The following PKD1L3 variants were observed in gnomAD, a reference collection of about 807,000 sequenced individuals.
PKD1L3 encodes polycystin-1-like protein 3.
PKD1L3 carries 239 observed loss-of-function variants against 184.1 expected under a neutral mutation model. That is an observed-to-expected ratio of 1.30 (90% CI 1.17 to 1.45). The LOEUF (loss-of-function observed/expected upper bound fraction) is 1.45. Among genes scored for constraint, PKD1L3 ranks in the 40% most tolerant of loss-of-function variants. The pLI is 0.00. For missense variants in PKD1L3, 2,660 were observed against 2,067.2 expected (o/e 1.29, Z -5.56); for synonymous variants, 996 against 778.8 (o/e 1.28, Z -4.64).
chr16:71,934,540 C>T (rs2038108758), intron 26 of PKD1L3, among the ~76,000 whole-genome samples: 1 of 152,170 alleles, frequency 6.6e-6, no homozygotes, highest in Non-Finnish European at 1.5e-5. Flanking sequence ...CCTGTGTTCT[C>T]TGGCAGTACA....
At chr16:71,948,175 G>A (rs1165236050) in intron 21 of PKD1L3, among the ~76,000 whole-genome samples, 19 of 152,006 alleles carry the variant, frequency 1.2e-4, no homozygotes, top group Admixed American at 4.6e-4. Flanking sequence ...TCTGCCTCCC[G>A]GGTTCAAGTG....
chr16:71,996,409 C>T (rs1428649323), intron 2 of PKD1L3, among the ~76,000 whole-genome samples: 2 of 151,928 alleles, frequency 1.3e-5, no homozygotes, highest in African/African-American at 2.4e-5. Context: ...TACAGGTGCA[C>T]ACCACCACGC....
At chr16:71,930,232 C>T (rs1400045410) in intron 28 of PKD1L3, 49 bp from the exon 29 acceptor site, 2 of 1,490,434 alleles carry the variant, frequency 1.3e-6, no homozygotes, top group African/African-American at 1.4e-5. Context: ...TTAGTTTATA[C>T]TTTACAAACA....
Position 71,978,275 on chromosome 16 carries a change from C to T in PKD1L3, c.1507G>A (p.Asp503Asn). 6.5e-7 allele frequency: 1 copy of T among 1,550,156 alleles called. No individual in the cohort carries two copies. ...CCTACCTCAATGTCCTCCATTAAAT[C>T]ATGGACTTGGAGCAATTTACGATTA... ...SANRKLLQVH[D>N]LMEDIEIMLW... Residue 503 changes from aspartate (D) to asparagine (N), a missense_variant, in exon 10 of 30, where the codon GAT becomes AAT. By Grantham distance (23) the Asp-to-Asn change is conservative. Coordinates refer to ENST00000620267, the MANE Select transcript of PKD1L3 (RefSeq NM_181536.2).
intron 16 of PKD1L3, among the ~76,000 whole-genome samples, chr16:71,959,684 GAA>G (rs1020330601): frequency 1.3e-5 from 2 of 151,900 alleles, no homozygotes; most frequent in African/African-American, 4.8e-5. Context: ...TTAATATGGA[GAA>G]AAAGTGTGTT....
intron 5 of PKD1L3, 47 bp downstream of exon 5, chr16:71,986,172 CTT>C (rs1206858773): frequency 6.5e-7 from 1 of 1,542,356 alleles, no homozygotes; most frequent in Non-Finnish European, 8.8e-7. Flanking sequence ...GAACCAAGTA[CTT>C]TTTGGGGGTC....
intron 16 of PKD1L3, among the ~76,000 whole-genome samples, chr16:71,958,506 G>A (rs920525910): frequency 2.6e-5 from 4 of 152,106 alleles, no homozygotes; most frequent in South Asian, 4.1e-4. Flanking sequence ...CTGGCTGGAC[G>A]TGGTAGCTCA....
At chr16:71,969,102 TG>T (rs1333935496) in intron 13 of PKD1L3, among the ~76,000 whole-genome samples, 1 of 151,276 alleles carries the variant, frequency 6.6e-6, no homozygotes, top group African/African-American at 2.4e-5. Context: ...GGCTAATTTT[TG>T]TATTTTTAGT....
chr16:71,953,075 G>A lies in PKD1L3; in HGVS notation c.2828C>T (p.Ala943Val). 1 of 1,475,534 alleles carries A rather than the reference G, an allele frequency of 6.8e-7. No homozygotes were observed. Among genetic ancestry groups the A allele is most frequent in the Non-Finnish European group, 9.0e-7 (1 of 1,114,954 alleles). The allele number at this position is 1,475,534 out of a possible 1,614,324, so 91.4% of individuals were successfully genotyped here. Reference protein sequence around the residue: ...RDEQMRPFAVAWSELLVSIHT... With the variant: ...RDEQMRPFAVVWSELLVSIHT... ...GATGCTGACCAGCAGTTCAGACCAG[G>A]CCACAGCAAATGGACGCACTGAAAG... Residue 943 changes from alanine (A) to valine (V), a missense_variant, in exon 18 of 30, where the codon GCC (alanine) becomes GTC (valine). Ala to Val is a moderately conservative substitution (Grantham distance 64). Transcript: ENST00000620267.
chr16:71,989,429 G>T (rs921392811), intron 4 of PKD1L3, among the ~76,000 whole-genome samples: 2 of 152,140 alleles, frequency 1.3e-5, no homozygotes, highest in Non-Finnish European at 2.9e-5. Flanking sequence ...CTGGGATTAC[G>T]GGCGTGAGCC....
chr16:71,977,568 T>TC, intron 10 of PKD1L3, 101 bp from the exon 11 acceptor site: 1 of 945,734 alleles, frequency 1.1e-6, no homozygotes, highest in East Asian at 2.6e-5. Context: ...CTCTTTTTTT[T>TC]TTTTTTTTTT....
At chr16:71,944,505 A>AGAC (rs1484596767) in intron 22 of PKD1L3, among the ~76,000 whole-genome samples, 2 of 152,022 alleles carry the variant, frequency 1.3e-5, no homozygotes, top group Non-Finnish European at 2.9e-5. Flanking sequence ...CAACATAGTG[A>AGAC]GACGTTGTCT....
At position 71,986,644 on chromosome 16, in the gene PKD1L3, T is replaced by C. The variant is rs372049578; in HGVS notation, c.586-175A>G. On this transcript the variant is annotated intron_variant, in intron 4 of 29. Transcript: ENST00000620267. ...TTTGAAATTTCAAGAAATCTGCATA[T>C]TACTTGAGATTCATGATTTATATTA... Among the ~76,000 whole-genome samples the C allele has an allele frequency of 1.9e-4, 29 of 152,310 alleles. 1 individual carries two copies. The highest frequency in any genetic ancestry group is 9.8e-4 in the Admixed American group (15 of 15,298).
At position 71,968,026 on chromosome 16, in the gene PKD1L3, C is replaced by T; in HGVS notation, c.2185-19G>A. ...CCTTCACCTGCAAGAAAAGCAGAAC[C>T]ATGCAACTTACTAGGCCTCCACTTG... is the stretch of plus-strand genomic sequence containing the variant. On this transcript the variant is annotated intron_variant, in intron 13 of 29. Coordinates refer to ENST00000620267, the MANE Select transcript of PKD1L3 (RefSeq NM_181536.2). 1 of 1,538,890 alleles carries T rather than the reference C, an allele frequency of 6.5e-7. No individual in the cohort carries two copies. Among genetic ancestry groups the T allele is most frequent in the Non-Finnish European group, 8.8e-7 (1 of 1,135,804 alleles).
At chr16:71,973,131 G>T (rs868249211) in intron 12 of PKD1L3, among the ~76,000 whole-genome samples, 193 bp downstream of exon 12, 5 of 152,200 alleles carry the variant, frequency 3.3e-5, no homozygotes, top group Non-Finnish European at 7.3e-5. Flanking sequence ...GCACAAAGCT[G>T]CTCCTGCTTC....
intron 24 of PKD1L3, among the ~76,000 whole-genome samples, chr16:71,941,785 A>G (rs1018330670): frequency 2.6e-5 from 4 of 151,446 alleles, no homozygotes; most frequent in African/African-American, 9.7e-5. Context: ...GGGTGTCACC[A>G]TATTGGCCAG....
chr16:71,978,168 T>A, intron 10 of PKD1L3, 87 bp downstream of exon 10: 2 of 1,408,184 alleles, frequency 1.4e-6, no homozygotes, highest in Non-Finnish European at 1.9e-6. Context: ...CAATCTAACA[T>A]AATTCCCTTT....
At chr16:71,970,252 A>C in intron 12 of PKD1L3, 147 bp from the exon 13 acceptor site, 3 of 645,720 alleles carry the variant, frequency 4.6e-6, no homozygotes, top group Non-Finnish European at 8.0e-6. Flanking sequence ...GGTATAACCA[A>C]TGTGGAAAGT....
chr16:71,997,054 G>A (rs2040811567), intron 2 of PKD1L3, among the ~76,000 whole-genome samples: 1 of 151,454 alleles, frequency 6.6e-6, no homozygotes, highest in Admixed American at 6.6e-5. Flanking sequence ...GTTAAGTAGA[G>A]AGAGGAAAGT....
Sources: gnomAD v4.1 joint callset for allele counts (sites outside exome capture counted in the v4.1 genomes callset) on GRCh38, gnomAD v4.1.1 for gene constraint, MANE v1.5 for transcripts, NCBI Gene and HGNC (gene_info 2026-07-23, HGNC 2026-07-21) for gene names.